Variants in VCAN observed in about 807,000 individuals in gnomAD.
VCAN encodes the protein versican core protein.
In VCAN, 44 loss-of-function variants were observed where a neutral mutation model predicts 245.5. The ratio of observed to expected loss-of-function variants is 0.18; its 90% CI spans 0.14 to 0.23. The LOEUF (loss-of-function observed/expected upper bound fraction) is 0.23, where lower values mean the gene tolerates loss of function less well. Among genes scored for constraint, VCAN ranks in the 10% least tolerant of loss-of-function variants. The pLI is 1.00. For synonymous variants in VCAN, 1,413 were observed against 1,437.0 expected (o/e 0.98, Z 0.38); for missense variants, 3,793 against 4,057.9 (o/e 0.93, Z 1.77).
Position 83,539,276 on chromosome 5 carries a change from T to A in VCAN, c.6273T>A (p.Thr2091=). ...SGTVSTNFPQ[T]IEPAKLWSRQ... Reference sequence around the variant, plus strand: ...CAGTTTCAACAAACTTTCCCCAAACTATAGAGCCAGCCAAATTATGGTCTA... The same window carrying A: ...CAGTTTCAACAAACTTTCCCCAAACAATAGAGCCAGCCAAATTATGGTCTA... The change falls in exon 8 of 15, where the codon ACT becomes ACA. Residue 2091 remains threonine, a synonymous_variant. Transcript: ENST00000265077. 1 of 1,613,990 alleles carries A rather than the reference T, an allele frequency of 6.2e-7. No individual in the cohort carries two copies. The highest frequency in any genetic ancestry group is 1.1e-5 in the South Asian group (1 of 91,080).
chr5:83,540,956 T>C lies in VCAN; in HGVS notation c.7953T>C (p.His2651=), dbSNP rs1270163422. 1.9e-6 allele frequency: 3 copies of C among 1,614,072 alleles called. No individual in the cohort carries two copies. Among genetic ancestry groups the C allele is most frequent in the Non-Finnish European group, 2.5e-6 (3 of 1,180,004 alleles). ...DVLASYTQAT[H]DESMTYEDRS... ...TGGCTAGCTACACTCAGGCAACACA[T>C]GATGAATCAATGACTTATGAAGATA... The change falls in exon 8 of 15, where the codon CAT becomes CAC. Residue 2651 remains histidine, a synonymous_variant. Transcript: ENST00000265077.
intron 5 of VCAN, among the ~76,000 whole-genome samples, chr5:83,504,761 A>G (rs986931902): frequency 6.6e-6 from 1 of 152,176 alleles, no homozygotes; most frequent in Non-Finnish European, 1.5e-5. Context: ...TATATAAAAT[A>G]TATTTGGTAT....
intron 12 of VCAN, among the ~76,000 whole-genome samples, chr5:83,561,530 C>T (rs747330601): frequency 5.9e-5 from 9 of 152,146 alleles, no homozygotes; most frequent in Non-Finnish European, 1.5e-5. Context: ...TTAATACCTA[C>T]AATTTCCAAC....
intron 6 of VCAN, among the ~76,000 whole-genome samples, chr5:83,515,597 A>G (rs777076208): frequency 6.6e-6 from 1 of 152,220 alleles, no homozygotes; most frequent in Non-Finnish European, 1.5e-5. Context: ...TACAGTTTCA[A>G]TCTCCAAATT....
intron 2 of VCAN, among the ~76,000 whole-genome samples, chr5:83,485,018 A>C (rs949945758): frequency 1.3e-5 from 2 of 152,178 alleles, no homozygotes; most frequent in African/African-American, 4.8e-5. Context: ...AGCTCATCTA[A>C]ATAATAATAA....
Position 83,483,497 on chromosome 5 carries a change from T to C in VCAN, c.-6-16T>C. 1.2e-6 allele frequency: 2 copies of C among 1,609,258 alleles called. No homozygotes were observed. Among genetic ancestry groups the C allele is most frequent in the South Asian group, 2.2e-5 (2 of 90,934 alleles). ...TGAATGCTTGTGATTTACTTTGTGTTTTTCTTCATTTCTAGGCCAAGATGT... is the reference window on the plus strand; with the variant it reads ...TGAATGCTTGTGATTTACTTTGTGTCTTTCTTCATTTCTAGGCCAAGATGT... On this transcript the variant is annotated splice_polypyrimidine_tract_variant and intron_variant, in intron 1 of 14. Coordinates refer to ENST00000265077, the MANE Select transcript of VCAN (RefSeq NM_004385.5).
Position 83,473,721 on chromosome 5 carries a change from G to A in VCAN, c.-7+1698G>A, listed in dbSNP as rs543972642. On this transcript the variant is annotated intron_variant, in intron 1 of 14. Coordinates refer to ENST00000265077, the MANE Select transcript of VCAN (RefSeq NM_004385.5). ...ATTGGGAGTTTTGCGGCGGGTGTGG[G>A]CGCCCCCTGATGGAGAAGTCCCGCA... Among the ~76,000 whole-genome samples the A allele has an allele frequency of 4.6e-5, 7 of 152,290 alleles. No individual in the cohort carries two copies. In the South Asian group the frequency reaches 1.0e-3, roughly 23 times the overall value.
intron 5 of VCAN, among the ~76,000 whole-genome samples, chr5:83,500,189 A>G (rs1320378542): frequency 1.3e-5 from 2 of 152,202 alleles, no homozygotes; most frequent in Admixed American, 6.5e-5. Flanking sequence ...CAGCTTGAAG[A>G]GCCTCTTGCA....
chr5:83,491,629 A>G (rs1461044540), intron 3 of VCAN, among the ~76,000 whole-genome samples: 1 of 152,060 alleles, frequency 6.6e-6, no homozygotes, highest in African/African-American at 2.4e-5. Context: ...GAGTTTAACA[A>G]CTTCTTACCA....
At chr5:83,553,617 A>G in intron 11 of VCAN, 95 bp downstream of exon 11, 5 of 1,500,420 alleles carry the variant, frequency 3.3e-6, no homozygotes, top group African/African-American at 1.4e-5. Context: ...AGCTTTTTCA[A>G]TCATAATACA....
chr5:83,523,669 CCA>C (rs1491146525), intron 7 of VCAN, among the ~76,000 whole-genome samples: 1 of 151,982 alleles, frequency 6.6e-6, no homozygotes, highest in Non-Finnish European at 1.5e-5. Context: ...GAGAACACAC[CCA>C]CAGAGTATTA....
At chr5:83,497,826 T>C (rs1416576398) in intron 5 of VCAN, among the ~76,000 whole-genome samples, 1 of 152,208 alleles carries the variant, frequency 6.6e-6, no homozygotes, top group Non-Finnish European at 1.5e-5. Context: ...ATTTATTTGG[T>C]TTCCTGATGG....
intron 5 of VCAN, among the ~76,000 whole-genome samples, chr5:83,511,812 T>C (rs996868182): frequency 6.6e-6 from 1 of 152,178 alleles, no homozygotes; most frequent in African/African-American, 2.4e-5. Context: ...TTGTTCATTT[T>C]AAAGAATGTA....
intron 7 of VCAN, among the ~76,000 whole-genome samples, chr5:83,532,782 A>G (rs956051771): frequency 6.6e-6 from 1 of 152,176 alleles, no homozygotes; most frequent in East Asian, 1.9e-4. Flanking sequence ...TAGTTGCTTA[A>G]TTGTGAGACT....
At chr5:83,501,374 C>G (rs769499909) in intron 5 of VCAN, among the ~76,000 whole-genome samples, 7 of 152,176 alleles carry the variant, frequency 4.6e-5, no homozygotes, top group South Asian at 4.1e-4. Context: ...AAAACATTGC[C>G]AAATCCCCAG....
chr5:83,552,821 A>T (rs150943274), intron 10 of VCAN, among the ~76,000 whole-genome samples: 75 of 152,280 alleles, frequency 4.9e-4, no homozygotes, highest in African/African-American at 1.7e-3. Flanking sequence ...GTATCCCAAA[A>T]CGTACCTATT....
At chr5:83,578,920 AC>A (rs374866365) in intron 13 of VCAN, among the ~76,000 whole-genome samples, 26 of 152,292 alleles carry the variant, frequency 1.7e-4, no homozygotes, top group African/African-American at 6.3e-4. Flanking sequence ...CTATGTTAAC[AC>A]AAATTCAATT....
In VCAN at chr5:83,540,500, C is replaced by T. The variant is rs1157096703; in HGVS notation, c.7497C>T (p.Ser2499=). ...LPLHSEQNKS[S]PDPTSTLSNT... is the part of the protein sequence containing the mutation. ...TTCATTCAGAGCAGAACAAAAGCTC[C>T]CCTGATCCAACTAGCACACTGTCAA... The change falls in exon 8 of 15, where the codon TCC becomes TCT. Residue 2499 remains serine, a synonymous_variant. Transcript: ENST00000265077. 1.2e-6 allele frequency: 2 copies of T among 1,613,876 alleles called. No homozygotes were observed. Among genetic ancestry groups the T allele is most frequent in the Non-Finnish European group, 1.7e-6 (2 of 1,179,946 alleles).
Position 83,542,064 on chromosome 5 carries a change from G to T in VCAN, c.9061G>T (p.Gly3021Trp). 1.2e-6 allele frequency: 2 copies of T among 1,613,384 alleles called. No homozygotes were observed. Among genetic ancestry groups the T allele is most frequent in the Non-Finnish European group, 1.7e-6 (2 of 1,179,374 alleles). ...NPETQAALIRGQDSTIAASEQ... is the reference protein window; with the variant it reads ...NPETQAALIRWQDSTIAASEQ... The stretch of plus-strand genomic sequence containing the variant: ...TGAAACTCAAGCAGCTTTAATCAGA[G>T]GGCAGGATTCCACGATAGCAGCATC... The change falls in exon 8 of 15, where the codon GGG becomes TGG. Residue 3021 changes from glycine (G) to tryptophan (W), a missense_variant. Coordinates refer to ENST00000265077, the MANE Select transcript of VCAN (RefSeq NM_004385.5).
Sources: allele counts gnomAD v4.1 joint callset (sites outside exome capture counted in the v4.1 genomes callset), GRCh38; gene constraint gnomAD v4.1.1; transcripts MANE v1.5; gene names NCBI Gene and HGNC (gene_info 2026-07-23, HGNC 2026-07-21).